The following MYO16 variants were observed in gnomAD, a reference collection of about 807,000 sequenced individuals.
The protein encoded by MYO16 is unconventional myosin-XVI.
MYO16 carries 94 observed loss-of-function variants against 205.3 expected under a neutral mutation model. The observed-to-expected ratio is 0.46, with a 90% CI of 0.39 to 0.54. MYO16 has a LOEUF of 0.54. MYO16 is among the 20% of genes least tolerant of loss of function. The pLI, the probability that MYO16 is intolerant of heterozygous loss-of-function variation, is 0.00. For synonymous variants in MYO16, 988 were observed against 954.0 expected, an observed-to-expected ratio of 1.04 and a Z score of -0.66; for missense variants, 2,315 against 2,387.5, an observed-to-expected ratio of 0.97 and a Z score of 0.63.
At chr13:108,861,476 A>G (rs1177501622) in intron 11 of MYO16, among the ~76,000 whole-genome samples, 1 of 152,198 alleles carries the variant, frequency 6.6e-6, no homozygotes, top group Admixed American at 6.6e-5. Context: ...TAATATAAAC[A>G]GTTTTGCACC....
chr13:108,814,588 C>A (rs1887392422), intron 7 of MYO16, among the ~76,000 whole-genome samples: 1 of 152,118 alleles, frequency 6.6e-6, no homozygotes, highest in African/African-American at 2.4e-5. Flanking sequence ...AAGATAGCTT[C>A]TCTTTCTTTA....
At position 109,125,772 on chromosome 13, in the gene MYO16, C is replaced by G. The variant is rs148482818; in HGVS notation, c.3782+414C>G. On this transcript the variant is annotated intron_variant, in intron 30 of 34. Coordinates refer to ENST00000457511, the MANE Select transcript of MYO16 (RefSeq NM_001198950.3). This position sits in a 1 kb window ranked among gnomAD's most constrained non-coding sequence, Gnocchi z 4.0. ...TCTGACCCAAAAAATGGAGATACCA[C>G]TCTGAAAACATGGAAGAAGTGAACT... Among the ~76,000 whole-genome samples, 11 of 152,316 alleles carry G rather than the reference C, an allele frequency of 7.2e-5. No homozygotes were observed. The highest frequency in any genetic ancestry group is 1.3e-4 in the Non-Finnish European group (9 of 68,032).
intron 27 of MYO16, among the ~76,000 whole-genome samples, chr13:109,058,787 G>A (rs1380465993): frequency 6.6e-6 from 1 of 152,082 alleles, no homozygotes; most frequent in Non-Finnish European, 1.5e-5. Flanking sequence ...TGTCTCTGTA[G>A]CATGCGAAGC....
intron 19 of MYO16, among the ~76,000 whole-genome samples, chr13:108,962,784 G>A (rs1029440019): frequency 6.6e-6 from 1 of 152,178 alleles, no homozygotes; most frequent in Non-Finnish European, 1.5e-5. Context: ...GGATCCATTT[G>A]CATGTGTGGT....
intron 3 of MYO16, among the ~76,000 whole-genome samples, chr13:108,723,740 A>T (rs375296442): frequency 6.6e-6 from 1 of 152,212 alleles, no homozygotes; most frequent in Non-Finnish European, 1.5e-5. Flanking sequence ...AAGTCTTGAA[A>T]TTAGTTAGCT....
chr13:109,043,157 C>T (rs1035169855), intron 23 of MYO16, among the ~76,000 whole-genome samples: 1 of 152,258 alleles, frequency 6.6e-6, no homozygotes. Context: ...TATTTAGTTA[C>T]AGTATAACCA....
intron 32 of MYO16, among the ~76,000 whole-genome samples, chr13:109,144,020 A>G (rs998115592): frequency 7.3e-5 from 9 of 122,736 alleles, no homozygotes; most frequent in African/African-American, 2.6e-4. Context: ...GAAGTGTATA[A>G]TAATTCTTTT....
intron 12 of MYO16, among the ~76,000 whole-genome samples, chr13:108,872,251 G>A (rs955627413): frequency 6.6e-6 from 1 of 152,152 alleles, no homozygotes; most frequent in Non-Finnish European, 1.5e-5. Context: ...TGAATGAAAC[G>A]TTAAAAAATG....
chr13:108,581,845 C>T, the MYO16 span, among the ~76,000 whole-genome samples: 5 of 148,022 alleles, frequency 3.4e-5, 1 homozygote, highest in Admixed American at 3.4e-4. Flanking sequence ...TGCCGTTGCA[C>T]TCCAGCCTGG....
chr13:108,975,534 G>A (rs1884223207), intron 20 of MYO16, among the ~76,000 whole-genome samples: 1 of 152,094 alleles, frequency 6.6e-6, no homozygotes, highest in African/African-American at 2.4e-5. Flanking sequence ...TCTTTCAAGG[G>A]ACGCAGCCAT....
intron 9 of MYO16, among the ~76,000 whole-genome samples, chr13:108,838,649 CAG>C (rs1165085106): frequency 2.3e-5 from 3 of 131,222 alleles, no homozygotes; most frequent in East Asian, 2.3e-4. Flanking sequence ...GCCTGGGTGA[CAG>C]AGTGAGACTG....
rs1247329640 is a variant in MYO16, at chr13:109,141,492, G to A, written c.5164+116G>A. Reference sequence around the variant, plus strand: ...AGTAAAGTTTCAGGTGATGGCCGTGGTCGTTCAGAGCAGATATCAGCTTTA... The same window carrying A: ...AGTAAAGTTTCAGGTGATGGCCGTGATCGTTCAGAGCAGATATCAGCTTTA... On this transcript the variant is annotated intron_variant, in intron 32 of 34. Transcript: ENST00000457511. The surrounding 1 kb of genome is among the most constrained non-coding windows in gnomAD (Gnocchi z 4.1). The A allele has an allele frequency of 4.2e-6, 3 of 707,256 alleles. No homozygotes were observed. The highest frequency in any genetic ancestry group is 6.3e-6 in the Non-Finnish European group (3 of 475,544). 43.8% of individuals were successfully genotyped at this position (707,256 alleles called of 1,614,324 possible).
intron 33 of MYO16, among the ~76,000 whole-genome samples, chr13:109,177,701 G>C (rs888312405): frequency 1.6e-4 from 24 of 152,094 alleles, no homozygotes; most frequent in African/African-American, 5.8e-4. Context: ...ATTTTTAGTA[G>C]AGATGGGATT....
the MYO16 span, among the ~76,000 whole-genome samples, chr13:108,587,262 T>G: frequency 6.6e-6 from 1 of 152,340 alleles, no homozygotes; most frequent in Admixed American, 6.5e-5. Flanking sequence ...ATTGTCCAGA[T>G]GCAGTGATTT....
At chr13:108,708,757 T>C (rs1046144366) in intron 2 of MYO16, among the ~76,000 whole-genome samples, 3 of 152,180 alleles carry the variant, frequency 2.0e-5, no homozygotes, top group Non-Finnish European at 4.4e-5. Flanking sequence ...CACTAGCTAA[T>C]GGGGTCTCCA....
chr13:109,024,859 A>G (rs768987083), intron 23 of MYO16, among the ~76,000 whole-genome samples: 3 of 152,186 alleles, frequency 2.0e-5, no homozygotes, highest in African/African-American at 7.2e-5. Flanking sequence ...TGCCATTTGA[A>G]TAATCAAATG....
At chr13:108,569,043 C>A in the MYO16 span, among the ~76,000 whole-genome samples, 1 of 152,010 alleles carries the variant, frequency 6.6e-6, no homozygotes, top group Admixed American at 6.6e-5. Flanking sequence ...ATGCCAGCAT[C>A]TCACTGTTTT....
chr13:108,609,475 G>T (rs943056328), intron 1 of MYO16, among the ~76,000 whole-genome samples: 5 of 152,126 alleles, frequency 3.3e-5, no homozygotes, highest in Non-Finnish European at 7.3e-5. Context: ...GGTGCTCAAT[G>T]CTATCAGCCA....
At chr13:108,718,572 G>A (rs933412999) in intron 3 of MYO16, among the ~76,000 whole-genome samples, 1 of 151,926 alleles carries the variant, frequency 6.6e-6, no homozygotes, top group East Asian at 2.0e-4. Context: ...GAAAGAGAGC[G>A]GGCACAGCCA....
Sources: gnomAD v4.1 joint callset for allele counts (sites outside exome capture counted in the v4.1 genomes callset) on GRCh38, gnomAD v4.1.1 for gene constraint, Gnocchi (gnomAD v3.1) non-coding constraint, MANE v1.5 for transcripts, NCBI Gene and HGNC (gene_info 2026-07-23, HGNC 2026-07-21) for gene names.